The following SPCS2 variants were observed in gnomAD, a reference collection of about 807,000 sequenced individuals.
SPCS2 encodes signal peptidase complex subunit 2.
In SPCS2, 3 loss-of-function variants were observed where a neutral mutation model predicts 22.3. That is an observed-to-expected ratio of 0.13 (90% CI 0.06 to 0.35). SPCS2 has a LOEUF of 0.35. Among genes scored for constraint, SPCS2 ranks in the 10% least tolerant of loss-of-function variants. The probability of loss-of-function intolerance (pLI) is 1.00; values close to 1 mark genes in which losing one functional copy is unlikely to be tolerated. For synonymous variants in SPCS2, 67 were observed against 97.2 expected (o/e 0.69, Z 1.83); for missense variants, 169 against 280.9 (o/e 0.60, Z 2.85).
intron 1 of SPCS2, among the ~76,000 whole-genome samples, chr11:74,952,499 T>C (rs573992503): frequency 8.3e-4 from 127 of 152,320 alleles, no homozygotes; most frequent in African/African-American, 2.9e-3. Flanking sequence ...TTATTTTTGG[T>C]AGAGACAAGG....
intron 1 of SPCS2, among the ~76,000 whole-genome samples, chr11:74,961,090 A>G (rs1310492749): frequency 6.6e-6 from 1 of 152,140 alleles, no homozygotes; most frequent in African/African-American, 2.4e-5. Flanking sequence ...TGAGAATACA[A>G]AAGTGTATAG....
chr11:74,959,840 G>A (rs1948501699), intron 1 of SPCS2, among the ~76,000 whole-genome samples: 1 of 152,156 alleles, frequency 6.6e-6, no homozygotes. Context: ...TCAGACCTGA[G>A]TTGTGTTTAA....
At chr11:74,954,646 T>A (rs1824613667) in intron 1 of SPCS2, among the ~76,000 whole-genome samples, 1 of 152,236 alleles carries the variant, frequency 6.6e-6, no homozygotes, top group African/African-American at 2.4e-5. Flanking sequence ...TGTGTGTGTT[T>A]AATGAAACAA....
At chr11:74,974,095 C>A (rs1045980556) in intron 4 of SPCS2, among the ~76,000 whole-genome samples, 3 of 143,290 alleles carry the variant, frequency 2.1e-5, no homozygotes, top group Non-Finnish European at 3.0e-5. Context: ...TAGCTAATTA[C>A]CCTTACTTTG....
At chr11:74,965,290 A>G (rs995180598) in intron 2 of SPCS2, 173 bp downstream of exon 2, 3 of 523,918 alleles carry the variant, frequency 5.7e-6, no homozygotes, top group Non-Finnish European at 1.0e-5. Flanking sequence ...GTGTTGAAAT[A>G]TCACCAACAT....
In SPCS2 at chr11:74,971,068, T is replaced by C. The variant is rs368640193; in HGVS notation, c.494+1369T>C. Among the ~76,000 whole-genome samples, 5 of 152,304 alleles carry C rather than the reference T, an allele frequency of 3.3e-5. No homozygotes were observed. The South Asian group carries it at 1.0e-3, about 32-fold the overall frequency. On this transcript the variant is annotated intron_variant, in intron 4 of 4. Coordinates refer to ENST00000263672, the MANE Select transcript of SPCS2 (RefSeq NM_014752.3). ...GGCAACCACCAGTCTACTTTCTCTG[T>C]TCTCTTTTATGGACATTTCATATGA...
intron 3 of SPCS2, 96 bp from the exon 4 acceptor site, chr11:74,969,469 A>G: frequency 8.5e-7 from 1 of 1,173,392 alleles, no homozygotes; most frequent in East Asian, 2.5e-5. Context: ...TGTCTTCTTT[A>G]GGACTATCAT....
intron 1 of SPCS2, among the ~76,000 whole-genome samples, chr11:74,964,693 C>T (rs1326332036): frequency 6.6e-6 from 1 of 152,184 alleles, no homozygotes; most frequent in African/African-American, 2.4e-5. Flanking sequence ...ACAGTCTGTG[C>T]AGCCCATATA....
At chr11:74,957,879 G>C (rs1256840543) in intron 1 of SPCS2, among the ~76,000 whole-genome samples, 1 of 152,210 alleles carries the variant, frequency 6.6e-6, no homozygotes, top group African/African-American at 2.4e-5. Flanking sequence ...GATGTTAGTT[G>C]CTAGTAGTGA....
intron 4 of SPCS2, among the ~76,000 whole-genome samples, chr11:74,974,123 A>G (rs1186664235): frequency 2.5e-5 from 3 of 119,102 alleles, no homozygotes; most frequent in Admixed American, 2.3e-4. Context: ...TTTTTTTTTT[A>G]ACTAGGCTTC....
chr11:74,969,089 A>G (rs565591878), intron 3 of SPCS2, among the ~76,000 whole-genome samples: 8 of 152,326 alleles, frequency 5.3e-5, no homozygotes, highest in Non-Finnish European at 1.0e-4. Flanking sequence ...TAATAAGTCT[A>G]TATGCATATA....
At chr11:74,950,067 T>A (rs1200441508) in intron 1 of SPCS2, among the ~76,000 whole-genome samples, 1 of 152,126 alleles carries the variant, frequency 6.6e-6, no homozygotes, top group Non-Finnish European at 1.5e-5. Flanking sequence ...CAAAAAAATT[T>A]TTTTTAACTG....
In SPCS2 at chr11:74,955,390, T is replaced by C. The variant is rs149624606; in HGVS notation, c.114+5991T>C. 3.7e-3 allele frequency among the ~76,000 whole-genome samples: 559 copies of C among 152,268 alleles called. 1 individual carries two copies. Among genetic ancestry groups the C allele is most frequent in the Non-Finnish European group, 6.6e-3 (452 of 68,016 alleles). The stretch of plus-strand genomic sequence containing the variant: ...ATACAATGGAATATAATTTGACCGT[T>C]AGAATAAAGTATTGATACATACTAC... On this transcript the variant is annotated intron_variant, in intron 1 of 4. Coordinates refer to ENST00000263672, the MANE Select transcript of SPCS2 (RefSeq NM_014752.3).
intron 1 of SPCS2, among the ~76,000 whole-genome samples, chr11:74,955,961 C>T (rs1233680638): frequency 2.8e-5 from 4 of 144,648 alleles, no homozygotes; most frequent in African/African-American, 5.1e-5. Flanking sequence ...TATCAAATTT[C>T]AATAGTAGTT....
chr11:74,952,837 C>T (rs959277916), intron 1 of SPCS2, among the ~76,000 whole-genome samples: 1 of 152,208 alleles, frequency 6.6e-6, no homozygotes, highest in Non-Finnish European at 1.5e-5. Context: ...AACTTAGTTT[C>T]AGCCTTACAT....
chr11:74,949,337 A>G lies in SPCS2; in HGVS notation c.52A>G (p.Ser18Gly). The change falls in exon 1 of 5, where the codon AGT becomes GGT. Residue 18 changes from serine (S) to glycine (G), a missense_variant. Coordinates refer to ENST00000263672, the MANE Select transcript of SPCS2 (RefSeq NM_014752.3). ...GGRSGGSGGC[S>G]GAGGASNCGT... is the part of the protein sequence containing the mutation. ...GAGAAGCGGTGGTAGCGGAGGCTGTAGTGGGGCTGGTGGTGCTTCCAACTG... is the reference window on the plus strand; with the variant it reads ...GAGAAGCGGTGGTAGCGGAGGCTGTGGTGGGGCTGGTGGTGCTTCCAACTG... The G allele has an allele frequency of 1.3e-6, 2 of 1,551,294 alleles. No homozygotes were observed. Among genetic ancestry groups the G allele is most frequent in the Non-Finnish European group, 8.7e-7 (1 of 1,146,862 alleles).
intron 4 of SPCS2, among the ~76,000 whole-genome samples, chr11:74,974,417 T>C (rs1262250564): frequency 1.3e-5 from 2 of 152,308 alleles, no homozygotes; most frequent in Non-Finnish European, 2.9e-5. Flanking sequence ...AACCTGCCCT[T>C]CCCTCAGTTT....
intron 1 of SPCS2, chr11:74,963,544 A>ATTGT (rs752236848): frequency 0.014 from 5,730 of 403,484 alleles, 70 homozygotes; most frequent in Non-Finnish European, 0.019. Context: ...TTTATTTTTT[A>ATTGT]TTGTTTGTTT....
intron 1 of SPCS2, among the ~76,000 whole-genome samples, chr11:74,955,394 A>G (rs1948472070): frequency 6.6e-6 from 1 of 152,232 alleles, no homozygotes; most frequent in Non-Finnish European, 1.5e-5. Flanking sequence ...GACCGTTAGA[A>G]TAAAGTATTG....
Sources: allele counts gnomAD v4.1 joint callset (sites outside exome capture counted in the v4.1 genomes callset), GRCh38; gene constraint gnomAD v4.1.1; transcripts MANE v1.5; gene names NCBI Gene and HGNC (gene_info 2026-07-23, HGNC 2026-07-21).